Variants in DYNC2H1 observed in about 807,000 individuals in gnomAD.
DYNC2H1 encodes dynein cytoplasmic 2 heavy chain 1.
Under a neutral mutation model 570.0 loss-of-function variants are expected in DYNC2H1, and 410 were observed. That is an observed-to-expected ratio of 0.72 (90% confidence interval 0.66 to 0.78). The LOEUF (loss-of-function observed/expected upper bound fraction) is 0.78. DYNC2H1 is among the 30% of genes least tolerant of loss of function. The pLI, the probability that DYNC2H1 is intolerant of heterozygous loss-of-function variation, is 0.00. For missense variants in DYNC2H1, 4,865 were observed against 5,046.4 expected (o/e 0.96, Z 1.09); for synonymous variants, 1,688 against 1,677.6 (o/e 1.01, Z -0.15).
At chr11:103,360,240 T>A (rs935358626) in intron 83 of DYNC2H1, among the ~76,000 whole-genome samples, 2 of 152,128 alleles carry the variant, frequency 1.3e-5, no homozygotes, top group Admixed American at 6.5e-5. Context: ...GCTAATTAAT[T>A]AATAATGCAG....
intron 32 of DYNC2H1, among the ~76,000 whole-genome samples, chr11:103,169,500 C>G (rs1861480788): frequency 6.6e-6 from 1 of 151,900 alleles, no homozygotes; most frequent in African/African-American, 2.4e-5. Context: ...GTTAATAAAC[C>G]TATGTTAGGA....
intron 84 of DYNC2H1, among the ~76,000 whole-genome samples, chr11:103,408,889 C>A (rs989156328): frequency 9.9e-5 from 15 of 151,956 alleles, no homozygotes; most frequent in African/African-American, 3.6e-4. Flanking sequence ...TGGGTTAGGG[C>A]GAGTTTCTAT....
chr11:103,459,092 G>A (rs1268380728), intron 87 of DYNC2H1, among the ~76,000 whole-genome samples: 2 of 151,190 alleles, frequency 1.3e-5, no homozygotes, highest in African/African-American at 4.9e-5. Context: ...GGCGGATCAC[G>A]AGGTCAGGAG....
chr11:103,194,347 T>C (rs1468011561), intron 47 of DYNC2H1, among the ~76,000 whole-genome samples: 1 of 152,256 alleles, frequency 6.6e-6, no homozygotes, highest in Non-Finnish European at 1.5e-5. Context: ...GTTTTCAGTT[T>C]TTGGCTGTTA....
intron 88 of DYNC2H1, 90 bp from the exon 89 acceptor site, chr11:103,479,005 A>G: frequency 7.4e-7 from 1 of 1,356,430 alleles, no homozygotes; most frequent in Non-Finnish European, 1.0e-6. Flanking sequence ...TTCATAATAT[A>G]ATATTAATAT....
At chr11:103,428,805 T>G (rs1271931755) in intron 84 of DYNC2H1, among the ~76,000 whole-genome samples, 1 of 152,152 alleles carries the variant, frequency 6.6e-6, no homozygotes, top group Admixed American at 6.5e-5. Context: ...CTGTAGCATA[T>G]ATCAATTTTT....
intron 40 of DYNC2H1, among the ~76,000 whole-genome samples, chr11:103,182,246 A>C (rs1282439770): frequency 6.6e-6 from 1 of 150,412 alleles, no homozygotes; most frequent in Non-Finnish European, 1.5e-5. Context: ...TATATATAAT[A>C]TATAGGTATT....
chr11:103,126,037 T>TG (rs1858979603), intron 12 of DYNC2H1, among the ~76,000 whole-genome samples: 1 of 152,256 alleles, frequency 6.6e-6, no homozygotes, highest in African/African-American at 2.4e-5. Flanking sequence ...CTGCTCATAT[T>TG]GTGTCTTGAT....
At chr11:103,310,821 G>A (rs1418506024) in intron 78 of DYNC2H1, among the ~76,000 whole-genome samples, 1 of 151,484 alleles carries the variant, frequency 6.6e-6, no homozygotes, top group Non-Finnish European at 1.5e-5. Context: ...CTGCTGAGCA[G>A]CTGCGATTAC....
chr11:103,151,073 G>A lies in DYNC2H1; in HGVS notation c.2947-1063G>A, dbSNP rs566287420. Among the ~76,000 whole-genome samples the A allele has an allele frequency of 6.6e-6, 1 of 152,150 alleles. No homozygotes were observed. Among genetic ancestry groups the A allele is most frequent in the South Asian group, 2.1e-4 (1 of 4,808 alleles). ...TGTGGATTTGAGGGGTAGGACTGGAGGTAGGTAGACTAGGAAACTATTGTG... is the reference window on the plus strand; with the variant it reads ...TGTGGATTTGAGGGGTAGGACTGGAAGTAGGTAGACTAGGAAACTATTGTG... On this transcript the variant is annotated intron_variant, in intron 20 of 88. Transcript: ENST00000375735. The surrounding 1 kb of genome is among the most constrained non-coding windows in gnomAD (Gnocchi z 4.6).
chr11:103,185,181 G>A lies in DYNC2H1; in HGVS notation c.6633+130G>A. On this transcript the variant is annotated intron_variant, in intron 41 of 88. Coordinates refer to ENST00000375735, the MANE Select transcript of DYNC2H1 (RefSeq NM_001377.3). This position sits in a 1 kb window ranked among gnomAD's most constrained non-coding sequence, Gnocchi z 4.5. ...AATTTGAAATTATGTATTCAATTGA[G>A]TAATAATGTATTTATGTATGTGTAT... 1 of 707,364 alleles carries A rather than the reference G, an allele frequency of 1.4e-6. No individual in the cohort carries two copies. Among genetic ancestry groups the A allele is most frequent in the East Asian group, 2.9e-5 (1 of 34,802 alleles). 43.8% of individuals were successfully genotyped at this position (707,364 alleles called of 1,614,324 possible).
chr11:103,250,097 T>G (rs1864772421), intron 65 of DYNC2H1, among the ~76,000 whole-genome samples: 1 of 152,050 alleles, frequency 6.6e-6, no homozygotes, highest in Admixed American at 6.6e-5. Flanking sequence ...GGGATTATTT[T>G]GTTTTGTTTC....
chr11:103,267,065 G>A (rs985057887), intron 70 of DYNC2H1, among the ~76,000 whole-genome samples: 2 of 152,086 alleles, frequency 1.3e-5, no homozygotes, highest in Admixed American at 1.3e-4. Flanking sequence ...CCCTCTCCCT[G>A]CCAACTCAAG....
intron 83 of DYNC2H1, 99 bp downstream of exon 83, chr11:103,358,458 C>G: frequency 1.3e-6 from 1 of 793,994 alleles, no homozygotes; most frequent in Admixed American, 2.1e-5. Context: ...AATCACATTG[C>G]AGAGGTTCCT....
rs143638779 is a variant in DYNC2H1, at chr11:103,280,822, C to G, written c.10761+409C>G. On this transcript the variant is annotated intron_variant, in intron 71 of 88. Transcript: ENST00000375735. The surrounding 1 kb of genome is among the most constrained non-coding windows in gnomAD (Gnocchi z 4.7). ...GCAGCAGGTGAGGCATGAAGATGGG[C>G]AGTTCTCAGAAGTTTTCCTGAACCT... Among the ~76,000 whole-genome samples the G allele has an allele frequency of 3.4e-3, 522 of 152,166 alleles. 2 individuals are homozygous for G. The highest frequency in any genetic ancestry group is 0.02 in the Middle Eastern group (6 of 294).
intron 47 of DYNC2H1, among the ~76,000 whole-genome samples, 192 bp from the exon 48 acceptor site, chr11:103,197,741 C>G (rs1862557799): frequency 6.6e-6 from 1 of 152,176 alleles, no homozygotes; most frequent in African/African-American, 2.4e-5. Context: ...GGCCACCTTG[C>G]CTGGCTCAGT....
In DYNC2H1 at chr11:103,319,197, A is replaced by G. The variant is rs116943269; in HGVS notation, c.11726-1832A>G. Among the ~76,000 whole-genome samples the G allele has an allele frequency of 0.015, 2,224 of 152,304 alleles. 17 individuals are homozygous for G. The highest frequency in any genetic ancestry group is 0.025 in the Admixed American group (381 of 15,300). On this transcript the variant is annotated intron_variant, in intron 80 of 88. Coordinates refer to ENST00000375735, the MANE Select transcript of DYNC2H1 (RefSeq NM_001377.3). The surrounding 1 kb of genome is among the most constrained non-coding windows in gnomAD (Gnocchi z 4.3). ...TAATAGCATTGTAAGACATAGATAT[A>G]TAAATAGGTATCTTACACCATTATG...
intron 65 of DYNC2H1, among the ~76,000 whole-genome samples, chr11:103,251,902 C>A (rs1008903111): frequency 6.6e-6 from 1 of 151,922 alleles, no homozygotes; most frequent in African/African-American, 2.4e-5. Context: ...TTTGTGTATA[C>A]ACATCATGTT....
chr11:103,440,749 G>A (rs1944238855), intron 85 of DYNC2H1, among the ~76,000 whole-genome samples: 1 of 152,086 alleles, frequency 6.6e-6, no homozygotes, highest in South Asian at 2.1e-4. Flanking sequence ...TCCCCAGCGG[G>A]TAGTTCAGTC....
Sources: gnomAD v4.1 joint callset for allele counts (sites outside exome capture counted in the v4.1 genomes callset) on GRCh38, gnomAD v4.1.1 for gene constraint, Gnocchi (gnomAD v3.1) non-coding constraint, MANE v1.5 for transcripts, NCBI Gene and HGNC (gene_info 2026-07-23, HGNC 2026-07-21) for gene names.